The following GLRA2 variants were observed in gnomAD, a reference collection of about 807,000 sequenced individuals.
The protein encoded by GLRA2 is glycine receptor subunit alpha-2.
GLRA2 carries 11 observed loss-of-function variants against 31.6 expected under a neutral mutation model. The observed-to-expected ratio is 0.35, with a 90% confidence interval of 0.22 to 0.58. GLRA2 has a LOEUF of 0.58. Ranked by LOEUF, GLRA2 falls within the 20% of genes least tolerant of loss-of-function variation. The pLI is 0.84. For missense variants in GLRA2, 212 were observed against 351.8 expected (o/e 0.60, Z 3.18); for synonymous variants, 132 against 134.0 (o/e 0.99, Z 0.10).
At chrX:14,618,727 T>C (rs958433308) in intron 7 of GLRA2, among the ~76,000 whole-genome samples, 1 of 111,344 alleles carries the variant, frequency 9.0e-6, no homozygotes, top group Non-Finnish European at 1.9e-5. Flanking sequence ...AAGAAAAATA[T>C]GTTTCCAAGT....
At chrX:14,456,185 G>A in the GLRA2 span, among the ~76,000 whole-genome samples, 1 of 110,434 alleles carries the variant, frequency 9.1e-6, no homozygotes, top group Admixed American at 9.7e-5. Context: ...AACCCTATTT[G>A]GTCATATTTA....
At chrX:14,583,947 A>G (rs997130122) in intron 4 of GLRA2, among the ~76,000 whole-genome samples, 7 of 111,500 alleles carry the variant, frequency 6.3e-5, no homozygotes, top group Admixed American at 2.8e-4. Flanking sequence ...TGTTCAACTG[A>G]ACATGCAGTA....
the GLRA2 span, among the ~76,000 whole-genome samples, chrX:14,464,549 TTTTA>T: frequency 3.6e-5 from 4 of 110,194 alleles, no homozygotes; most frequent in Non-Finnish European, 7.6e-5. Context: ...TGTATCTATT[TTTTA>T]TTTATTTATT....
intron 7 of GLRA2, among the ~76,000 whole-genome samples, chrX:14,681,931 G>GTATATATATATATATATGTATA (rs1348338618): frequency 1.8e-5 from 1 of 56,478 alleles, no homozygotes; most frequent in African/African-American, 6.2e-5. Context: ...ATATATATAT[G>GTATATATATATATATATGTATA]TATATATATG....
At chrX:14,627,763 G>A (rs1353746623) in intron 7 of GLRA2, among the ~76,000 whole-genome samples, 1 of 111,619 alleles carries the variant, frequency 9.0e-6, no homozygotes, top group African/African-American at 3.3e-5. Context: ...GTAGGTACAA[G>A]ATATTAAACA....
the GLRA2 span, among the ~76,000 whole-genome samples, chrX:14,477,799 A>C: frequency 3.6e-4 from 40 of 111,067 alleles, no homozygotes; most frequent in African/African-American, 1.1e-3. Context: ...GATGCAGTAG[A>C]ATCCTTCTTT....
chrX:14,541,400 T>G (rs189953267), intron 2 of GLRA2, among the ~76,000 whole-genome samples: 1 of 111,670 alleles, frequency 9.0e-6, no homozygotes, highest in East Asian at 2.8e-4. Flanking sequence ...ATACAGCTAC[T>G]CATCTTGGCA....
the GLRA2 span, among the ~76,000 whole-genome samples, chrX:14,471,680 G>C: frequency 1.2e-4 from 13 of 112,118 alleles, no homozygotes; most frequent in Admixed American, 1.9e-4. Context: ...TTTGCACAGC[G>C]AATAAGTGGG....
the GLRA2 span, among the ~76,000 whole-genome samples, chrX:14,473,775 A>G: frequency 2.1e-4 from 23 of 112,126 alleles, no homozygotes; most frequent in Non-Finnish European, 3.2e-4. Flanking sequence ...TCTGTGATCA[A>G]TTGCAGGTAT....
the GLRA2 span, among the ~76,000 whole-genome samples, chrX:14,491,715 G>T: frequency 9.0e-6 from 1 of 111,250 alleles, no homozygotes; most frequent in Non-Finnish European, 1.9e-5. Context: ...TGTTCTAATG[G>T]CCTGGCTGAG....
At chrX:14,647,135 C>T (rs923043426) in intron 7 of GLRA2, among the ~76,000 whole-genome samples, 5 of 111,806 alleles carry the variant, frequency 4.5e-5, no homozygotes, top group African/African-American at 1.6e-4. Flanking sequence ...AGGAGAGTTA[C>T]AAGCTCAGGG....
chrX:14,657,326 A>G (rs1030272479), intron 7 of GLRA2, among the ~76,000 whole-genome samples: 1 of 112,229 alleles, frequency 8.9e-6, no homozygotes, highest in Non-Finnish European at 1.9e-5. Context: ...TTACTTTAGG[A>G]TCAGCAGGAT....
At chrX:14,489,838 C>A in the GLRA2 span, among the ~76,000 whole-genome samples, 2 of 112,172 alleles carry the variant, frequency 1.8e-5, no homozygotes, top group East Asian at 5.6e-4. Flanking sequence ...GGGTTGTTAA[C>A]AATGGAAAAT....
In GLRA2 at chrX:14,663,516, T is replaced by TACAC. The variant is rs751970033; in HGVS notation, c.931-27172_931-27169dup. Among the ~76,000 whole-genome samples, 484 of 104,025 alleles carry TACAC rather than the reference T, an allele frequency of 4.7e-3. 3 individuals carry two copies. Among genetic ancestry groups the TACAC allele is most frequent in the Admixed American group, 0.027 (255 of 9,520 alleles). 90.3% of individuals were successfully genotyped at this position (104,025 alleles called of 115,157 possible). A position where few individuals can be genotyped will look rare whatever the true frequency, so the allele number is the denominator to read the frequency against. Reference sequence around the variant, plus strand: ...TCATGCCAAAATTACTAGAAAAGATTACACACACACACACACACACACACA... The same window carrying TACAC: ...TCATGCCAAAATTACTAGAAAAGATTACACACACACACACACACACACACACACA... On this transcript the variant is annotated intron_variant, in intron 7 of 8. Transcript: ENST00000218075.
chrX:14,451,026 T>C, the GLRA2 span, among the ~76,000 whole-genome samples: 1 of 111,085 alleles, frequency 9.0e-6, no homozygotes, highest in Admixed American at 9.6e-5. Context: ...AAAAAAAAAA[T>C]TCCAACCAAA....
At position 14,604,311 on chromosome X, in the gene GLRA2, T is replaced by C; in HGVS notation, c.495-4T>C. The C allele has an allele frequency of 8.8e-7, 1 of 1,134,102 alleles. No individual in the cohort carries two copies. Among genetic ancestry groups the C allele is most frequent in the Non-Finnish European group, 1.2e-6 (1 of 828,503 alleles). The allele number at this position is 1,134,102 out of a possible 1,213,427, so 93.5% of individuals were successfully genotyped here. ...GGTTTTTAATTTTTTTTTTGTTTGC[T>C]AAGACTCACCTTGACCTTATCCTGT... On this transcript the variant is annotated splice_region_variant and splice_polypyrimidine_tract_variant and intron_variant, in intron 4 of 8. Coordinates refer to ENST00000218075, the MANE Select transcript of GLRA2 (RefSeq NM_002063.4).
the GLRA2 span, among the ~76,000 whole-genome samples, chrX:14,510,241 T>C: frequency 9.0e-6 from 1 of 111,633 alleles, no homozygotes; most frequent in Non-Finnish European, 1.9e-5. Flanking sequence ...TAGGAAGAGC[T>C]GTAGCGATAG....
At chrX:14,461,164 C>T in the GLRA2 span, among the ~76,000 whole-genome samples, 2 of 111,886 alleles carry the variant, frequency 1.8e-5, no homozygotes, top group Admixed American at 9.5e-5. Context: ...TGTAGTTGAG[C>T]GGTTTTGAGT....
chrX:14,615,263 A>T (rs2090442827), intron 7 of GLRA2, among the ~76,000 whole-genome samples: 1 of 111,912 alleles, frequency 8.9e-6, no homozygotes, highest in Non-Finnish European at 1.9e-5. Context: ...CAGTGTTGAA[A>T]ATACTTGTAA....
Sources: allele counts gnomAD v4.1 joint callset (sites outside exome capture counted in the v4.1 genomes callset), GRCh38; gene constraint gnomAD v4.1.1; transcripts MANE v1.5; gene names NCBI Gene and HGNC (gene_info 2026-07-23, HGNC 2026-07-21).